The following DIAPH1 variants were observed in gnomAD, a reference collection of about 807,000 sequenced individuals.
DIAPH1 encodes the protein protein diaphanous homolog 1.
DIAPH1 carries 46 observed loss-of-function variants against 140.7 expected under a neutral mutation model. That is an observed-to-expected ratio of 0.33 (90% CI 0.26 to 0.42). DIAPH1 has a LOEUF of 0.42. Among genes scored for constraint, DIAPH1 ranks in the 10% least tolerant of loss-of-function variants. DIAPH1 has a pLI of 1.00. For synonymous variants in DIAPH1, 565 were observed against 551.6 expected, an observed-to-expected ratio of 1.02 and a Z score of -0.34; for missense variants, 1,310 against 1,558.7, an observed-to-expected ratio of 0.84 and a Z score of 2.69.
Position 141,516,526 on chromosome 5 carries a change from C to G in DIAPH1, c.*325G>C, listed in dbSNP as rs558843739. ...AAAGTCAGGGCTGAGAAAAAGCAGGCTGGGCCTTGTCTGAGATGAGGCCCT... is the reference window on the plus strand; with the variant it reads ...AAAGTCAGGGCTGAGAAAAAGCAGGGTGGGCCTTGTCTGAGATGAGGCCCT... On this transcript the variant is annotated 3_prime_UTR_variant, in exon 28 of 28. Transcript: ENST00000389054. 9.7e-5 allele frequency: 39 copies of G among 400,562 alleles called. No homozygotes were observed. The East Asian group carries it at 2.1e-3, about 21-fold the overall frequency. 24.8% of individuals were successfully genotyped at this position (400,562 alleles called of 1,614,324 possible).
At chr5:141,581,125 T>C (rs888686346) in intron 7 of DIAPH1, among the ~76,000 whole-genome samples, 3 of 152,128 alleles carry the variant, frequency 2.0e-5, no homozygotes, top group African/African-American at 7.2e-5. Flanking sequence ...ACCAGTGTCC[T>C]TATAAAAAGA....
intron 18 of DIAPH1, among the ~76,000 whole-genome samples, chr5:141,552,082 C>T (rs1259907586): frequency 2.0e-5 from 3 of 152,170 alleles, no homozygotes; most frequent in African/African-American, 7.2e-5. Context: ...ATTGAACAAG[C>T]TTATGCAGCA....
intron 1 of DIAPH1, among the ~76,000 whole-genome samples, chr5:141,592,121 T>C (rs1166195664): frequency 6.7e-6 from 1 of 148,250 alleles, no homozygotes; most frequent in Non-Finnish European, 1.5e-5. Context: ...TTAAAAAAAA[T>C]TACCCATGTT....
intron 18 of DIAPH1, chr5:141,536,137 A>T (rs531846770): frequency 5.2e-6 from 2 of 387,998 alleles, no homozygotes; most frequent in East Asian, 8.1e-5. Context: ...CTGTCTCTAT[A>T]AAAAAAGTTC....
chr5:141,597,661 G>A (rs1010040465), intron 1 of DIAPH1, among the ~76,000 whole-genome samples: 1 of 152,204 alleles, frequency 6.6e-6, no homozygotes, highest in Non-Finnish European at 1.5e-5. Flanking sequence ...CCAGCTAAAA[G>A]GGAGCAATGA....
At chr5:141,545,090 A>G (rs538992867) in intron 18 of DIAPH1, among the ~76,000 whole-genome samples, 1 of 152,360 alleles carries the variant, frequency 6.6e-6, no homozygotes, top group Admixed American at 6.5e-5. Context: ...GATTCTACTT[A>G]TATGACAGTC....
At chr5:141,572,255 A>G (rs1348218797) in intron 16 of DIAPH1, among the ~76,000 whole-genome samples, 1 of 152,176 alleles carries the variant, frequency 6.6e-6, no homozygotes, top group Non-Finnish European at 1.5e-5. Context: ...AACTAGATTC[A>G]TATATATACT....
At chr5:141,544,500 A>T (rs1156782429) in intron 18 of DIAPH1, among the ~76,000 whole-genome samples, 1 of 152,186 alleles carries the variant, frequency 6.6e-6, no homozygotes, top group African/African-American at 2.4e-5. Flanking sequence ...CCCAACACAG[A>T]TTAAAAAGTT....
chr5:141,577,235 C>T (rs2099896098), intron 12 of DIAPH1, among the ~76,000 whole-genome samples: 1 of 152,196 alleles, frequency 6.6e-6, no homozygotes. Context: ...ATCCTATTTA[C>T]CTACTCCCCT....
rs1337027040 is a variant in DIAPH1, at chr5:141,575,089, T to G, written c.1519A>C (p.Ser507Arg). 1.2e-6 allele frequency: 2 copies of G among 1,614,136 alleles called. No homozygotes were observed. The highest frequency in any genetic ancestry group is 2.7e-5 in the African/African-American group (2 of 74,948). Residue 507 changes from serine to arginine, a missense_variant, in exon 15 of 28, where the codon AGT (serine) becomes CGT (arginine). Physicochemically the swap from Ser to Arg is moderately radical, Grantham distance 110. Around this residue, in one of 3 missense-constraint regions of DIAPH1, gnomAD observed 589 missense variants for 549.3 expected, o/e 1.07. Transcript: ENST00000389054. Reference protein sequence around the residue: ...ELQVEMKKMESDFEQKLQDLQ... With the variant: ...ELQVEMKKMERDFEQKLQDLQ... ...TCTTGAAGCTTCTGCTCAAAGTCAC[T>G]TTCCATCTTTTTCATTTCCACCTGT...
intron 27 of DIAPH1, among the ~76,000 whole-genome samples, chr5:141,521,153 T>C (rs964462007): frequency 6.6e-6 from 1 of 152,212 alleles, no homozygotes; most frequent in African/African-American, 2.4e-5. Flanking sequence ...GAAGGTTAGA[T>C]ACTAATCACT....
At chr5:141,571,216 G>A (rs935581656) in intron 18 of DIAPH1, among the ~76,000 whole-genome samples, 2 of 152,146 alleles carry the variant, frequency 1.3e-5, no homozygotes, top group African/African-American at 2.4e-5. Context: ...GTAGTTTAAC[G>A]GGAAGCAAAC....
chr5:141,537,873 A>T (rs551558300), intron 18 of DIAPH1, among the ~76,000 whole-genome samples: 16 of 152,284 alleles, frequency 1.1e-4, no homozygotes, highest in Non-Finnish European at 2.1e-4. Flanking sequence ...ACTGCAAATA[A>T]ATCAAAATAG....
At chr5:141,590,393 G>A (rs1210830540) in intron 1 of DIAPH1, among the ~76,000 whole-genome samples, 1 of 152,160 alleles carries the variant, frequency 6.6e-6, no homozygotes, top group East Asian at 1.9e-4. Flanking sequence ...GTTACTTCAT[G>A]TGTTCTGATT....
At chr5:141,517,848 C>G (rs2099885926) in intron 27 of DIAPH1, among the ~76,000 whole-genome samples, 1 of 152,150 alleles carries the variant, frequency 6.6e-6, no homozygotes, top group Admixed American at 6.5e-5. Flanking sequence ...AGTTTCTGTT[C>G]TAACTGCTGG....
Position 141,573,782 on chromosome 5 carries a change from G to T in DIAPH1, c.2068C>A (p.Pro690Thr). Reference sequence around the variant, plus strand: ...GCACTCCCAGGCAAAGGAGGTGGTGGTGGGGGGATTCTAGCACTCCCAGGC... The same window carrying T: ...GCACTCCCAGGCAAAGGAGGTGGTGTTGGGGGGATTCTAGCACTCCCAGGC... ...PLPGSARIPP[P>T]PPPLPGSAGI... Residue 690 changes from proline to threonine, a missense_variant, in exon 16 of 28, where the codon CCA (proline) becomes ACA (threonine). By Grantham distance (38) the Pro-to-Thr change is conservative. Around this residue, in one of 3 missense-constraint regions of DIAPH1, gnomAD observed 589 missense variants for 549.3 expected, o/e 1.07. Transcript: ENST00000389054. 7.4e-7 allele frequency: 1 copy of T among 1,345,454 alleles called. No individual in the cohort carries two copies. The highest frequency in any genetic ancestry group is 1.5e-5 in the African/African-American group (1 of 65,208). 83.3% of individuals were successfully genotyped at this position (1,345,454 alleles called of 1,614,324 possible).
At chr5:141,538,899 A>T (rs139403963) in intron 18 of DIAPH1, among the ~76,000 whole-genome samples, 1,740 of 152,224 alleles carry the variant, frequency 0.011, 26 homozygotes, top group African/African-American at 0.028. Context: ...TTTGCTACCA[A>T]ATTCATAAAA....
chr5:141,553,084 T>G (rs1244097254), intron 18 of DIAPH1, among the ~76,000 whole-genome samples: 1 of 150,552 alleles, frequency 6.6e-6, no homozygotes, highest in Non-Finnish European at 1.5e-5. Flanking sequence ...AGGTTAGGAG[T>G]TCAAGACCAG....
chr5:141,519,003 A>C (rs1366771999), intron 27 of DIAPH1: 10 of 1,550,476 alleles, frequency 6.4e-6, no homozygotes, highest in Non-Finnish European at 8.7e-6. Flanking sequence ...TTGTCTACCA[A>C]GAGGAGAAAG....
Sources: allele counts gnomAD v4.1 joint callset (sites outside exome capture counted in the v4.1 genomes callset), GRCh38; gene constraint gnomAD v4.1.1; regional missense constraint gnomAD v4.1.1; transcripts MANE v1.5; gene names NCBI Gene and HGNC (gene_info 2026-07-23, HGNC 2026-07-21).